SASH1: variants seen among roughly 807,000 people sequenced by gnomAD.
The protein encoded by SASH1 is SAM and SH3 domain containing 1.
In SASH1, 44 loss-of-function variants were observed where a neutral mutation model predicts 125.2. The observed-to-expected ratio is 0.35, with a 90% CI of 0.28 to 0.45. The LOEUF (loss-of-function observed/expected upper bound fraction) is 0.45. Among genes scored for constraint, SASH1 ranks in the 20% least tolerant of loss-of-function variants. The pLI is 1.00. For missense variants in SASH1, 1,426 were observed against 1,614.5 expected, an observed-to-expected ratio of 0.88 and a Z score of 2.00; for synonymous variants, 639 against 649.1, an observed-to-expected ratio of 0.98 and a Z score of 0.24.
the SASH1 span, among the ~76,000 whole-genome samples, chr6:148,232,856 G>A: frequency 0.76 from 116,198 of 152,056 alleles, 44,563 homozygotes; most frequent in East Asian, 0.84. Flanking sequence ...CCTGGCACCT[G>A]GCAGAGAGCT....
At chr6:148,301,418 A>G (rs1779942133) in intron 1 of SASH1, among the ~76,000 whole-genome samples, 1 of 149,914 alleles carries the variant, frequency 6.7e-6, no homozygotes, top group Non-Finnish European at 1.5e-5. Context: ...GATGCCCACC[A>G]CCATGCCCGG....
intron 8 of SASH1, among the ~76,000 whole-genome samples, chr6:148,510,119 G>A (rs997408219): frequency 2.0e-5 from 3 of 152,186 alleles, no homozygotes; most frequent in Non-Finnish European, 4.4e-5. Flanking sequence ...ATGTTGCTAT[G>A]GAAACCAGAA....
intron 2 of SASH1, among the ~76,000 whole-genome samples, chr6:148,425,038 C>T (rs1775752108): frequency 6.6e-6 from 1 of 152,124 alleles, no homozygotes; most frequent in Non-Finnish European, 1.5e-5. Context: ...GAGCAGTACA[C>T]AGGATGGGTG....
At chr6:148,197,953 G>A in the SASH1 span, among the ~76,000 whole-genome samples, 9 of 152,158 alleles carry the variant, frequency 5.9e-5, no homozygotes, top group African/African-American at 1.9e-4. Context: ...ATGTTCTAGT[G>A]AGTCTCCTGC....
At chr6:148,281,986 A>G (rs1432394255) in intron 1 of SASH1, among the ~76,000 whole-genome samples, 4 of 152,164 alleles carry the variant, frequency 2.6e-5, no homozygotes, top group African/African-American at 7.2e-5. Context: ...GAGAAAAGAA[A>G]TGTGACTATA....
At chr6:148,297,394 TTAAGA>T (rs1779792981) in intron 1 of SASH1, among the ~76,000 whole-genome samples, 1 of 152,160 alleles carries the variant, frequency 6.6e-6, no homozygotes, top group South Asian at 2.1e-4. Context: ...TGACAACACT[TTAAGA>T]TGAGAACAAT....
At chr6:148,266,371 G>C in the SASH1 span, among the ~76,000 whole-genome samples, 1 of 152,190 alleles carries the variant, frequency 6.6e-6, no homozygotes, top group African/African-American at 2.4e-5. Context: ...AAGAATGTTT[G>C]CATAGGAATA....
intron 1 of SASH1, among the ~76,000 whole-genome samples, chr6:148,345,905 G>A (rs1193091866): frequency 1.3e-5 from 2 of 152,160 alleles, no homozygotes; most frequent in Non-Finnish European, 2.9e-5. Context: ...ATGTAGTTCA[G>A]TACATTTAGA....
intron 4 of SASH1, among the ~76,000 whole-genome samples, chr6:148,441,477 C>G (rs1281605566): frequency 2.0e-5 from 3 of 152,194 alleles, no homozygotes; most frequent in African/African-American, 7.2e-5. Flanking sequence ...GTGCACACCC[C>G]ATCAGCTTTT....
intron 1 of SASH1, among the ~76,000 whole-genome samples, chr6:148,355,600 C>T (rs554084008): frequency 9.9e-5 from 15 of 152,284 alleles, no homozygotes; most frequent in African/African-American, 3.4e-4. Flanking sequence ...GTTTGTCATG[C>T]CCCTGAGTGG....
intron 2 of SASH1, among the ~76,000 whole-genome samples, chr6:148,421,819 G>A (rs568459123): frequency 7.2e-5 from 11 of 152,092 alleles, no homozygotes; most frequent in African/African-American, 2.2e-4. Flanking sequence ...TATTGCTCTC[G>A]TTATTTATAA....
intron 2 of SASH1, among the ~76,000 whole-genome samples, chr6:148,395,621 C>T (rs1783919835): frequency 6.6e-6 from 1 of 152,160 alleles, no homozygotes; most frequent in Admixed American, 6.5e-5. Context: ...ATGGGCCCTA[C>T]AGGAATGGTG....
At chr6:148,501,152 C>T (rs1779544093) in intron 8 of SASH1, among the ~76,000 whole-genome samples, 1 of 152,076 alleles carries the variant, frequency 6.6e-6, no homozygotes, top group African/African-American at 2.4e-5. Flanking sequence ...TTGGTGGTCC[C>T]ACCTTCCCTC....
intron 1 of SASH1, among the ~76,000 whole-genome samples, chr6:148,316,135 A>G (rs1269711370): frequency 2.0e-5 from 3 of 152,234 alleles, no homozygotes; most frequent in African/African-American, 7.2e-5. Flanking sequence ...TTATTTTTCC[A>G]AATGATTTAC....
chr6:148,259,244 TA>T, the SASH1 span, among the ~76,000 whole-genome samples: 2 of 152,150 alleles, frequency 1.3e-5, no homozygotes, highest in Admixed American at 6.5e-5. Flanking sequence ...CCATCAGAGT[TA>T]ATCCTCACAC....
chr6:148,404,605 C>T, intron 2 of SASH1, among the ~76,000 whole-genome samples: 1 of 132,340 alleles, frequency 7.6e-6, no homozygotes, highest in South Asian at 2.7e-4. Context: ...CACCCCCAGC[C>T]CAGCACCACC....
intron 10 of SASH1, among the ~76,000 whole-genome samples, chr6:148,521,826 C>G (rs1464444162): frequency 6.6e-6 from 1 of 152,168 alleles, no homozygotes; most frequent in Admixed American, 6.5e-5. Flanking sequence ...TTGACATGAC[C>G]TTGATAGAAC....
chr6:148,506,527 A>C (rs1471732742), intron 8 of SASH1, among the ~76,000 whole-genome samples: 8 of 152,172 alleles, frequency 5.3e-5, no homozygotes. Context: ...ATTGAACTCC[A>C]GTTCAGTAAG....
At chr6:148,524,096 A>ATT (rs202109831) in intron 10 of SASH1, among the ~76,000 whole-genome samples, 1,288 of 65,950 alleles carry the variant, frequency 0.02, 14 homozygotes, top group African/African-American at 0.057. Context: ...AATTCAGTTA[A>ATT]TTATATATAT....
Sources: gnomAD v4.1 joint callset for allele counts (sites outside exome capture counted in the v4.1 genomes callset) on GRCh38, gnomAD v4.1.1 for gene constraint, MANE v1.5 for transcripts, NCBI Gene and HGNC (gene_info 2026-07-23, HGNC 2026-07-21) for gene names.